Variants in SGIP1 observed in about 807,000 individuals in gnomAD.
The protein encoded by SGIP1 is SH3-containing GRB2-like protein 3-interacting protein 1.
A neutral mutation model predicts 107.5 loss-of-function variants in SGIP1; 38 were observed. The ratio of observed to expected loss-of-function variants is 0.35; its 90% CI spans 0.27 to 0.46. The LOEUF is 0.46. Among genes scored for constraint, SGIP1 ranks in the 20% least tolerant of loss-of-function variants. SGIP1 has a pLI of 1.00. For synonymous variants in SGIP1, 365 were observed against 366.1 expected, an observed-to-expected ratio of 1.00 and a Z score of 0.03; for missense variants, 929 against 1,019.5, an observed-to-expected ratio of 0.91 and a Z score of 1.21.
intron 3 of SGIP1, among the ~76,000 whole-genome samples, chr1:66,633,571 T>G (rs1388474869): frequency 6.6e-6 from 1 of 152,182 alleles, no homozygotes; most frequent in African/African-American, 2.4e-5. Context: ...GAAAACCACT[T>G]AAGCCTGAAT....
intron 7 of SGIP1, among the ~76,000 whole-genome samples, chr1:66,654,113 C>A (rs1282297761): frequency 6.6e-6 from 1 of 152,082 alleles, no homozygotes; most frequent in African/African-American, 2.4e-5. Context: ...ATGGATGCAC[C>A]ACGGGACATT....
chr1:66,545,690 A>G (rs2056232251), intron 1 of SGIP1, among the ~76,000 whole-genome samples: 1 of 151,722 alleles, frequency 6.6e-6, no homozygotes, highest in African/African-American at 2.4e-5. Context: ...AGAGAAAGAG[A>G]GAGAGGAATT....
In SGIP1 at chr1:66,687,593, T is replaced by C. The variant is rs979521777; in HGVS notation, c.1316-1555T>C. Among the ~76,000 whole-genome samples the C allele has an allele frequency of 7.9e-5, 12 of 152,196 alleles. No individual in the cohort carries two copies. In the East Asian group the frequency reaches 1.3e-3, roughly 17 times the overall value. On this transcript the variant is annotated intron_variant, in intron 15 of 24. Coordinates refer to ENST00000371037, the MANE Select transcript of SGIP1 (RefSeq NM_032291.4). ...ACAGTCCATCTCAAGCTATAAGAGA[T>C]TGCATTTAAGAGCGTGAGCTTTGGA...
At chr1:66,589,206 AT>A (rs2063190372) in intron 1 of SGIP1, among the ~76,000 whole-genome samples, 1 of 63,308 alleles carries the variant, frequency 1.6e-5, no homozygotes, top group Non-Finnish European at 3.2e-5. Flanking sequence ...ATATATATAT[AT>A]ATATATATAT....
In SGIP1 at chr1:66,534,220, A is replaced by C; in HGVS notation, c.-139A>C. 1.2e-6 allele frequency: 1 copy of C among 863,722 alleles called. No individual in the cohort carries two copies. The highest frequency in any genetic ancestry group is 1.9e-6 in the Non-Finnish European group (1 of 519,118). 53.5% of individuals were successfully genotyped at this position (863,722 alleles called of 1,614,324 possible). The stretch of plus-strand genomic sequence containing the variant: ...CATCCATGGCCTGTCTTTTGGCTTA[A>C]CACTTATCTCCTTTGGCTTTGACAG... On this transcript the variant is annotated 5_prime_UTR_variant, in exon 1 of 25. It removes the in-frame stop codon of an upstream open reading frame in the 5' UTR. Coordinates refer to ENST00000371037, the MANE Select transcript of SGIP1 (RefSeq NM_032291.4).
intron 7 of SGIP1, among the ~76,000 whole-genome samples, chr1:66,659,671 A>C (rs751539907): frequency 1.3e-5 from 2 of 152,090 alleles, no homozygotes; most frequent in Non-Finnish European, 2.9e-5. Flanking sequence ...GAACTTTAAG[A>C]GGCTGAGGTG....
At chr1:66,733,911 C>A in intron 21 of SGIP1, 31 bp downstream of exon 21, 2 of 1,590,528 alleles carry the variant, frequency 1.3e-6, no homozygotes, top group Admixed American at 1.7e-5. Context: ...GGTATCTCTT[C>A]CACATGACAT....
At chr1:66,620,973 T>C (rs1054975547) in intron 1 of SGIP1, among the ~76,000 whole-genome samples, 8 of 152,214 alleles carry the variant, frequency 5.3e-5, no homozygotes, top group Non-Finnish European at 1.2e-4. Flanking sequence ...AATGTTCTTT[T>C]CATGCAACAT....
intron 7 of SGIP1, among the ~76,000 whole-genome samples, chr1:66,649,764 G>A (rs1482018676): frequency 6.6e-6 from 1 of 151,870 alleles, no homozygotes; most frequent in African/African-American, 2.4e-5. Flanking sequence ...AATAACCAAA[G>A]TCAGAATTCA....
intron 12 of SGIP1, among the ~76,000 whole-genome samples, chr1:66,676,146 T>A (rs1460768332): frequency 6.6e-6 from 1 of 152,198 alleles, no homozygotes; most frequent in Non-Finnish European, 1.5e-5. Context: ...GCTTTTATTA[T>A]CTCCACTTTA....
At chr1:66,712,897 A>C (rs2093007554) in intron 18 of SGIP1, among the ~76,000 whole-genome samples, 1 of 152,128 alleles carries the variant, frequency 6.6e-6, no homozygotes, top group Non-Finnish European at 1.5e-5. Flanking sequence ...CATTCCTCAG[A>C]ACCCCCTCAA....
At chr1:66,617,435 G>C (rs541848402) in intron 1 of SGIP1, among the ~76,000 whole-genome samples, 2 of 152,310 alleles carry the variant, frequency 1.3e-5, no homozygotes, top group African/African-American at 4.8e-5. Flanking sequence ...AAGCCTAGAG[G>C]AAAAGCTGAT....
intron 12 of SGIP1, among the ~76,000 whole-genome samples, chr1:66,676,778 T>C (rs533463086): frequency 2.0e-5 from 3 of 152,144 alleles, no homozygotes; most frequent in African/African-American, 7.2e-5. Context: ...TTTATGTAGC[T>C]ATATGTACAC....
chr1:66,746,441 G>T lies in SGIP1; in HGVS notation c.*3346G>T, dbSNP rs1481674963. 6 of 152,194 alleles carry T rather than the reference G, an allele frequency of 3.9e-5. No homozygotes were observed. Among genetic ancestry groups the T allele is most frequent in the Middle Eastern group, 6.8e-3 (2 of 294 alleles). 9.4% of individuals were successfully genotyped at this position (152,194 alleles called of 1,614,324 possible). On this transcript the variant is annotated 3_prime_UTR_variant, in exon 25 of 25. Coordinates refer to ENST00000371037, the MANE Select transcript of SGIP1 (RefSeq NM_032291.4). Reference sequence around the variant, plus strand: ...ATAACAGTACACAATGATCTATCATGTGTCTTCCAACTCTGAAGTTCCACA... The same window carrying T: ...ATAACAGTACACAATGATCTATCATTTGTCTTCCAACTCTGAAGTTCCACA...
intron 7 of SGIP1, among the ~76,000 whole-genome samples, chr1:66,656,236 G>A (rs1466214846): frequency 6.6e-6 from 1 of 152,176 alleles, no homozygotes; most frequent in Non-Finnish European, 1.5e-5. Flanking sequence ...CCCACTGGAA[G>A]GCCTGCAGGG....
chr1:66,626,666 T>G (rs535282399), intron 2 of SGIP1, among the ~76,000 whole-genome samples: 1 of 152,300 alleles, frequency 6.6e-6, no homozygotes, highest in Non-Finnish European at 1.5e-5. Context: ...AGGTAACTTA[T>G]ATATGTGAAG....
intron 23 of SGIP1, 63 bp downstream of exon 23, chr1:66,740,785 C>A: frequency 9.7e-7 from 1 of 1,028,412 alleles, no homozygotes; most frequent in South Asian, 1.4e-5. Flanking sequence ...AGGTATTTGC[C>A]AACTATTACC....
chr1:66,687,591 G>T (rs2088723111), intron 15 of SGIP1, among the ~76,000 whole-genome samples: 1 of 152,194 alleles, frequency 6.6e-6, no homozygotes, highest in African/African-American at 2.4e-5. Flanking sequence ...AGCTATAAGA[G>T]ATTGCATTTA....
rs554746677 is a variant in SGIP1 at position 66,687,473 on chromosome 1, A to C, written c.1316-1675A>C. Among the ~76,000 whole-genome samples, 261 of 152,290 alleles carry C rather than the reference A, an allele frequency of 1.7e-3. 1 individual carries two copies. The highest frequency in any genetic ancestry group is 2.4e-3 in the Non-Finnish European group (164 of 68,022). ...TTTTTTTTTAAGAGAAGACTAGCCA[A>C]AGACTAAAAATATCTATATTGAGAG... On this transcript the variant is annotated intron_variant, in intron 15 of 24. Coordinates refer to ENST00000371037, the MANE Select transcript of SGIP1 (RefSeq NM_032291.4).
Sources: allele counts gnomAD v4.1 joint callset (sites outside exome capture counted in the v4.1 genomes callset), GRCh38; gene constraint gnomAD v4.1.1; transcripts MANE v1.5; gene names NCBI Gene and HGNC (gene_info 2026-07-23, HGNC 2026-07-21).